EPB41L4A: variants seen among roughly 807,000 people sequenced by gnomAD.
The protein encoded by EPB41L4A is band 4.1-like protein 4A.
Under a neutral mutation model 108.6 loss-of-function variants are expected in EPB41L4A, and 100 were observed. The observed-to-expected ratio is 0.92, with a 90% CI of 0.78 to 1.09. The LOEUF (loss-of-function observed/expected upper bound fraction) is 1.09. Ranked by LOEUF, EPB41L4A falls within the 50% of genes least tolerant of loss-of-function variation. EPB41L4A has a pLI of 0.00. For missense variants in EPB41L4A, 1,030 were observed against 842.7 expected (o/e 1.22, Z -2.75); for synonymous variants, 319 against 289.0 (o/e 1.10, Z -1.05).
chr5:112,407,885 G>A (rs1357939095), intron 1 of EPB41L4A, among the ~76,000 whole-genome samples: 1 of 152,182 alleles, frequency 6.6e-6, no homozygotes, highest in African/African-American at 2.4e-5. Flanking sequence ...CATTCTTTTA[G>A]GTTCTTGAAG....
In EPB41L4A at chr5:112,419,153, A is replaced by G; in HGVS notation, c.-114T>C. ...TTGTCCGCGCCGTGGCGAGGGTGAGACGAGCAGCTCCCGGCGGGGTCCGGG... is the reference window on the plus strand; with the variant it reads ...TTGTCCGCGCCGTGGCGAGGGTGAGGCGAGCAGCTCCCGGCGGGGTCCGGG... On this transcript the variant is annotated 5_prime_UTR_variant, in exon 1 of 23. Transcript: ENST00000261486. 1.3e-6 allele frequency: 1 copy of G among 776,742 alleles called. No homozygotes were observed. Among genetic ancestry groups the G allele is most frequent in the South Asian group, 1.7e-5 (1 of 59,722 alleles). 48.1% of individuals were successfully genotyped at this position (776,742 alleles called of 1,614,324 possible). A position where few individuals can be genotyped will look rare whatever the true frequency, so the allele number is the denominator to read the frequency against.
chr5:112,339,529 T>TAGATATAG (rs1757164436), intron 1 of EPB41L4A, among the ~76,000 whole-genome samples: 1 of 62,642 alleles, frequency 1.6e-5, no homozygotes, highest in Non-Finnish European at 3.0e-5. Flanking sequence ...GATATATATC[T>TAGATATAG]ATATATATAT....
chr5:112,356,451 C>T (rs1758364084), intron 1 of EPB41L4A, among the ~76,000 whole-genome samples: 1 of 152,324 alleles, frequency 6.6e-6, no homozygotes, highest in Non-Finnish European at 1.5e-5. Context: ...TCTGATGTGG[C>T]TGATTTACCA....
chr5:112,180,657 TA>T (rs34598344), intron 18 of EPB41L4A, among the ~76,000 whole-genome samples: 4,533 of 123,360 alleles, frequency 0.037, 262 homozygotes, highest in African/African-American at 0.13. Context: ...CCCTTAAGAT[TA>T]AAAAAAAAAA....
chr5:112,181,692 A>G (rs1761164370), intron 18 of EPB41L4A, among the ~76,000 whole-genome samples: 1 of 152,208 alleles, frequency 6.6e-6, no homozygotes, highest in African/African-American at 2.4e-5. Context: ...AAACATGTTG[A>G]GTGAAAGTAG....
At chr5:112,333,879 C>T (rs774189171) in intron 1 of EPB41L4A, among the ~76,000 whole-genome samples, 1 of 152,192 alleles carries the variant, frequency 6.6e-6, no homozygotes, top group Non-Finnish European at 1.5e-5. Flanking sequence ...GCTAGCTCAG[C>T]ACCAACCTTA....
At chr5:112,188,519 G>T (rs1402375331) in intron 17 of EPB41L4A, among the ~76,000 whole-genome samples, 1 of 152,084 alleles carries the variant, frequency 6.6e-6, no homozygotes, top group African/African-American at 2.4e-5. Flanking sequence ...AGTTGCTGCG[G>T]CTTTGTCCTT....
Position 112,164,848 on chromosome 5 carries a change from A to AT in EPB41L4A, c.*141_*142insA. ...TAACATCTCAAAAAAAAAAAAAAAA[A>AT]GAAGCAAAAGATAATGTATTTTCTC... On this transcript the variant is annotated 3_prime_UTR_variant, in exon 23 of 23. Coordinates refer to ENST00000261486, the MANE Select transcript of EPB41L4A (RefSeq NM_022140.5). 7 of 911,812 alleles carry AT rather than the reference A, an allele frequency of 7.7e-6. No homozygotes were observed. Among genetic ancestry groups the AT allele is most frequent in the East Asian group, 3.0e-5 (1 of 33,732 alleles). 56.5% of individuals were successfully genotyped at this position (911,812 alleles called of 1,614,324 possible).
chr5:112,326,524 C>A (rs1246214489), intron 1 of EPB41L4A, among the ~76,000 whole-genome samples: 1 of 152,152 alleles, frequency 6.6e-6, no homozygotes, highest in African/African-American at 2.4e-5. Flanking sequence ...GGAAAGATTG[C>A]TATTAGAACA....
At chr5:112,348,337 A>C (rs1039716150) in intron 1 of EPB41L4A, among the ~76,000 whole-genome samples, 6 of 152,202 alleles carry the variant, frequency 3.9e-5, no homozygotes, top group Admixed American at 3.9e-4. Context: ...ACCTCTCAAA[A>C]GCCATGGCTT....
intron 2 of EPB41L4A, among the ~76,000 whole-genome samples, chr5:112,297,248 T>G (rs1334226339): frequency 2.0e-5 from 3 of 152,192 alleles, no homozygotes; most frequent in Admixed American, 6.5e-5. Context: ...TAGTTTACAT[T>G]CCCACCAGCA....
chr5:112,194,137 C>CAT lies in EPB41L4A; in HGVS notation c.1502+429_1502+430dup, dbSNP rs58756242. 4.0e-4 allele frequency among the ~76,000 whole-genome samples: 61 copies of CAT among 151,366 alleles called. 1 individual carries two copies. Among genetic ancestry groups the CAT allele is most frequent in the Middle Eastern group, 6.8e-3 (2 of 294 alleles). Reference sequence around the variant, plus strand: ...GATGAGTAAATGCACATATTATTAGCATATATATATATACATAAGCCTGAA... The same window carrying CAT: ...GATGAGTAAATGCACATATTATTAGCATATATATATATATACATAAGCCTGAA... On this transcript the variant is annotated intron_variant, in intron 17 of 22. Coordinates refer to ENST00000261486, the MANE Select transcript of EPB41L4A (RefSeq NM_022140.5).
At chr5:112,335,666 C>A (rs924728749) in intron 1 of EPB41L4A, among the ~76,000 whole-genome samples, 3 of 152,194 alleles carry the variant, frequency 2.0e-5, no homozygotes, top group African/African-American at 7.2e-5. Context: ...CAAGTGCCTC[C>A]TAACTGGTGT....
At chr5:112,314,505 TAAAAAAAAAAAAAAAAAAAAA>T (rs552428109) in intron 1 of EPB41L4A, among the ~76,000 whole-genome samples, 3 of 55,186 alleles carry the variant, frequency 5.4e-5, no homozygotes, top group Non-Finnish European at 6.1e-5. Context: ...CCATCGCTAC[TAAAAAAAAAAAAAAAAAAAAA>T]AAAAAAAAAA....
intron 12 of EPB41L4A, among the ~76,000 whole-genome samples, chr5:112,157,503 T>C (rs1319667074): frequency 6.6e-6 from 1 of 152,218 alleles, no homozygotes; most frequent in Non-Finnish European, 1.5e-5. Context: ...CTCACAGCTC[T>C]GTAGGACAGA....
rs933602191 is a variant in EPB41L4A, at chr5:112,170,817, CCA to C, written c.1670+126_1670+127del. Reference sequence around the variant, plus strand: ...CACCACCATGTGCTCCATGTGCCTGCCACACACAGTGGCAATGGCTTTGGCAG... The same window carrying C: ...CACCACCATGTGCTCCATGTGCCTGCCACACAGTGGCAATGGCTTTGGCAG... On this transcript the variant is annotated intron_variant, in intron 19 of 22. Transcript: ENST00000261486. The C allele has an allele frequency of 7.3e-5, 58 of 791,012 alleles. No individual in the cohort carries two copies. In the African/African-American group the frequency reaches 7.9e-4, roughly 11 times the overall value. 49.0% of individuals were successfully genotyped at this position (791,012 alleles called of 1,614,324 possible). A position where few individuals can be genotyped will look rare whatever the true frequency, so the allele number is the denominator to read the frequency against.
At chr5:112,330,446 G>C (rs940248827) in intron 1 of EPB41L4A, among the ~76,000 whole-genome samples, 2 of 152,138 alleles carry the variant, frequency 1.3e-5, no homozygotes, top group African/African-American at 4.8e-5. Context: ...AATAAGGGTT[G>C]ATGTACCTCT....
At chr5:112,360,725 C>T (rs910058103) in intron 1 of EPB41L4A, among the ~76,000 whole-genome samples, 6 of 152,216 alleles carry the variant, frequency 3.9e-5, no homozygotes, top group East Asian at 1.9e-4. Flanking sequence ...CATCTCTGCC[C>T]GGCTGCCCAG....
intron 2 of EPB41L4A, among the ~76,000 whole-genome samples, chr5:112,287,976 T>C (rs1412933401): frequency 6.6e-6 from 1 of 152,190 alleles, no homozygotes; most frequent in African/African-American, 2.4e-5. Flanking sequence ...CCAGGACTTT[T>C]TACTGAGTTT....
Sources: allele counts gnomAD v4.1 joint callset (sites outside exome capture counted in the v4.1 genomes callset), GRCh38; gene constraint gnomAD v4.1.1; transcripts MANE v1.5; gene names NCBI Gene and HGNC (gene_info 2026-07-23, HGNC 2026-07-21).